PLCB1: variants seen among roughly 807,000 people sequenced by gnomAD.
The protein encoded by PLCB1 is phospholipase C beta 1.
In PLCB1, 46 loss-of-function variants were observed where a neutral mutation model predicts 161.8. The observed-to-expected ratio is 0.28, with a 90% CI of 0.22 to 0.36. The LOEUF (loss-of-function observed/expected upper bound fraction) is 0.36. Among genes scored for constraint, PLCB1 ranks in the 10% least tolerant of loss-of-function variants. The probability of loss-of-function intolerance (pLI) is 1.00; values close to 1 mark genes in which losing one functional copy is unlikely to be tolerated. For synonymous variants in PLCB1, 517 were observed against 503.7 expected (o/e 1.03, Z -0.35); for missense variants, 1,016 against 1,472.5 (o/e 0.69, Z 5.07).
chr20:8,255,722 T>G (rs1405895064), intron 2 of PLCB1, among the ~76,000 whole-genome samples: 1 of 152,040 alleles, frequency 6.6e-6, no homozygotes, highest in Non-Finnish European at 1.5e-5. Context: ...TACTTTATGT[T>G]AAATGACAGT....
intron 27 of PLCB1, among the ~76,000 whole-genome samples, chr20:8,776,408 C>T (rs1471096090): frequency 6.9e-6 from 1 of 145,940 alleles, no homozygotes; most frequent in Non-Finnish European, 1.5e-5. Flanking sequence ...GGTTTCAAGC[C>T]AATGTCATCA....
chr20:8,637,863 C>T (rs539552798), intron 4 of PLCB1, among the ~76,000 whole-genome samples: 28 of 152,146 alleles, frequency 1.8e-4, no homozygotes, highest in Non-Finnish European at 2.5e-4. Flanking sequence ...ATTATGAATG[C>T]GGAACAAGAT....
intron 7 of PLCB1, among the ~76,000 whole-genome samples, chr20:8,654,759 C>T (rs532860497): frequency 6.6e-6 from 1 of 151,998 alleles, no homozygotes; most frequent in South Asian, 2.1e-4. Context: ...TGAATCCGTG[C>T]CATTCACTTC....
intron 14 of PLCB1, among the ~76,000 whole-genome samples, chr20:8,718,266 A>G (rs1382167528): frequency 6.6e-6 from 1 of 152,150 alleles, no homozygotes; most frequent in African/African-American, 2.4e-5. Flanking sequence ...AAGGACTTTG[A>G]ACATTCCTAT....
intron 26 of PLCB1, among the ~76,000 whole-genome samples, chr20:8,773,438 T>C (rs1055103756): frequency 1.3e-5 from 2 of 152,360 alleles, no homozygotes; most frequent in East Asian, 3.9e-4. Context: ...AAGTTAATGA[T>C]AATTACTTTA....
chr20:8,618,568 ATAAC>A (rs1365332782), intron 3 of PLCB1, among the ~76,000 whole-genome samples: 7 of 152,208 alleles, frequency 4.6e-5, no homozygotes, highest in Admixed American at 1.3e-4. Context: ...ATCATATAAC[ATAAC>A]TAACAATAGA....
intron 3 of PLCB1, among the ~76,000 whole-genome samples, chr20:8,412,158 A>G (rs1190878514): frequency 4.6e-5 from 7 of 152,240 alleles, no homozygotes; most frequent in African/African-American, 1.7e-4. Flanking sequence ...AGTTATTGCT[A>G]CAGTAAAGCT....
intron 2 of PLCB1, among the ~76,000 whole-genome samples, chr20:8,356,205 T>C (rs1400619066): frequency 6.6e-6 from 1 of 152,186 alleles, no homozygotes; most frequent in East Asian, 1.9e-4. Context: ...TGAGTGTTTA[T>C]AAGTAAGGGA....
chr20:8,742,471 G>T (rs927403763), intron 23 of PLCB1, among the ~76,000 whole-genome samples: 1 of 151,964 alleles, frequency 6.6e-6, no homozygotes, highest in Admixed American at 6.6e-5. Flanking sequence ...AAGCATCCTC[G>T]ATTTATTATA....
At chr20:8,152,642 A>G (rs988188986) in intron 2 of PLCB1, among the ~76,000 whole-genome samples, 5 of 152,198 alleles carry the variant, frequency 3.3e-5, no homozygotes, top group Non-Finnish European at 7.3e-5. Context: ...GAAAACAAAA[A>G]AAAAATGTGA....
At chr20:8,757,917 C>T (rs989329908) in intron 24 of PLCB1, among the ~76,000 whole-genome samples, 5 of 151,880 alleles carry the variant, frequency 3.3e-5, no homozygotes, top group Admixed American at 2.0e-4. Context: ...TTGATTTCTA[C>T]GCAGCTAACT....
intron 2 of PLCB1, among the ~76,000 whole-genome samples, chr20:8,184,028 A>G (rs1190224021): frequency 1.3e-5 from 2 of 152,188 alleles, no homozygotes; most frequent in Non-Finnish European, 2.9e-5. Context: ...GATATGTAAT[A>G]TTATAAAATT....
intron 2 of PLCB1, among the ~76,000 whole-genome samples, chr20:8,249,052 G>T (rs913895780): frequency 6.6e-6 from 1 of 151,908 alleles, no homozygotes; most frequent in Non-Finnish European, 1.5e-5. Flanking sequence ...AAGGAATTCT[G>T]AAATTCTCTT....
At chr20:8,262,113 A>C (rs567081849) in intron 2 of PLCB1, among the ~76,000 whole-genome samples, 7 of 152,078 alleles carry the variant, frequency 4.6e-5, no homozygotes, top group Non-Finnish European at 1.0e-4. Context: ...GAGTCTTGCC[A>C]GGCTGGAGTG....
intron 3 of PLCB1, among the ~76,000 whole-genome samples, chr20:8,572,887 C>T (rs1409627659): frequency 6.6e-6 from 1 of 152,058 alleles, no homozygotes; most frequent in Non-Finnish European, 1.5e-5. Context: ...GTCGGGAGAG[C>T]TGGTGAAAGG....
chr20:8,636,000 A>T (rs759255186), intron 4 of PLCB1, among the ~76,000 whole-genome samples: 2 of 152,222 alleles, frequency 1.3e-5, no homozygotes, highest in Non-Finnish European at 2.9e-5. Context: ...TGTGTGCTTT[A>T]TCTCGTTTCT....
chr20:8,881,478 C>G (rs1326206818), intron 31 of PLCB1, 144 bp from the exon 32 acceptor site: 1 of 674,636 alleles, frequency 1.5e-6, no homozygotes, highest in South Asian at 1.8e-5. Flanking sequence ...TTTGTTACAT[C>G]TCCTCTATAG....
At chr20:8,852,020 A>G (rs1986905818) in intron 31 of PLCB1, among the ~76,000 whole-genome samples, 1 of 152,214 alleles carries the variant, frequency 6.6e-6, no homozygotes, top group Non-Finnish European at 1.5e-5. Flanking sequence ...GACTACAGCT[A>G]TCTACAACAA....
Position 8,697,799 on chromosome 20 carries a change from G to A in PLCB1, c.1167+16G>A, listed in dbSNP as rs2295179. On this transcript the variant is annotated intron_variant, in intron 11 of 31. Coordinates refer to ENST00000338037, the MANE Select transcript of PLCB1 (RefSeq NM_015192.4). ...ATCTTTCAAGGTAGAGTATATGAAT[G>A]TTACTAAGAGAGGCAGCTGGAGACA... 0.65 allele frequency: 1,049,415 copies of A among 1,611,096 alleles called. 347,666 individuals carry two copies. Among genetic ancestry groups the A allele is most frequent in the South Asian group, 0.71 (64,246 of 90,868 alleles).
Sources: allele counts gnomAD v4.1 joint callset (sites outside exome capture counted in the v4.1 genomes callset), GRCh38; gene constraint gnomAD v4.1.1; transcripts MANE v1.5; gene names NCBI Gene and HGNC (gene_info 2026-07-23, HGNC 2026-07-21).